The following IL17D variants were observed in gnomAD, a reference collection of about 807,000 sequenced individuals.
IL17D encodes interleukin 17D.
In IL17D, 10 loss-of-function variants were observed where a neutral mutation model predicts 5.7. The observed-to-expected ratio is 1.75, with a 90% CI of 1.08 to 2.97. IL17D has a LOEUF of 2.97. Among genes scored for constraint, IL17D ranks in the 30% most tolerant of loss-of-function variants. The pLI is 0.00. For missense variants in IL17D, 354 were observed against 292.7 expected (o/e 1.21, Z -1.53); for synonymous variants, 172 against 141.7 (o/e 1.21, Z -1.52).
intron 1 of IL17D, among the ~76,000 whole-genome samples, chr13:20,714,493 C>G (rs929090073): frequency 6.6e-5 from 10 of 152,248 alleles, no homozygotes; most frequent in African/African-American, 2.4e-4. Flanking sequence ...GCCTCAGTTT[C>G]CTCACGAGTG....
At chr13:20,721,526 G>A (rs2058734330) in intron 1 of IL17D, 110 bp from the exon 2 acceptor site, 2 of 822,714 alleles carry the variant, frequency 2.4e-6, no homozygotes, top group Admixed American at 3.4e-5. Context: ...GCCCGCAGGC[G>A]GAGGACAGGA....
At position 20,722,476 on chromosome 13, in the gene IL17D, T is replaced by C. The variant is rs1440519465; in HGVS notation, c.*522T>C. On this transcript the variant is annotated 3_prime_UTR_variant, in exon 2 of 2. Coordinates refer to ENST00000682841, the MANE Select transcript of IL17D (RefSeq NM_001385224.1). Reference sequence around the variant, plus strand: ...TACATTTCTTAACATATAAACATCGTTTTTTACTTCTTCTGGTAGAATTTT... The same window carrying C: ...TACATTTCTTAACATATAAACATCGCTTTTTACTTCTTCTGGTAGAATTTT... 1 of 152,320 alleles carries C rather than the reference T, an allele frequency of 6.6e-6. No individual in the cohort carries two copies. The highest frequency in any genetic ancestry group is 1.5e-5 in the Non-Finnish European group (1 of 68,140). 9.4% of individuals were successfully genotyped at this position (152,320 alleles called of 1,614,324 possible). A position where few individuals can be genotyped will look rare whatever the true frequency, so the allele number is the denominator to read the frequency against.
intron 1 of IL17D, among the ~76,000 whole-genome samples, chr13:20,717,538 A>G (rs1326320099): frequency 2.0e-5 from 3 of 152,164 alleles, no homozygotes; most frequent in Admixed American, 6.5e-5. Context: ...GGCTTCTCTC[A>G]TGACCTCTTT....
rs570391034 is a variant in IL17D at position 20,722,050 on chromosome 13, T to G, written c.*96T>G. The G allele has an allele frequency of 2.3e-3, 2,410 of 1,056,390 alleles. 6 individuals carry two copies. The highest frequency in any genetic ancestry group is 2.7e-3 in the Non-Finnish European group (2,015 of 758,730). 65.4% of individuals were successfully genotyped at this position (1,056,390 alleles called of 1,614,324 possible). On this transcript the variant is annotated 3_prime_UTR_variant, in exon 2 of 2. Transcript: ENST00000682841. ...CTCGGTCGGCGACCTCTGAAGAGAG[T>G]GCACCGAGCAAACCAAGTGCCGGAG... is the stretch of plus-strand genomic sequence containing the variant.
upstream of IL17D, chr13:20,703,321 G>A (rs1044415253): frequency 1.7e-5 from 17 of 986,390 alleles, no homozygotes; most frequent in Non-Finnish European, 2.0e-5. Context: ...GGGGGCACTG[G>A]TGAGTACACT....
At chr13:20,720,874 A>ACCCCCCCCCCCC (rs67735251) in intron 1 of IL17D, among the ~76,000 whole-genome samples, 90 of 75,706 alleles carry the variant, frequency 1.2e-3, no homozygotes, top group Admixed American at 1.4e-3. Flanking sequence ...CTCCCTCCCA[A>ACCCCCCCCCCCC]CCCCCCCCCC....
chr13:20,705,659 T>C (rs1687282211), intron 1 of IL17D, among the ~76,000 whole-genome samples: 1 of 152,136 alleles, frequency 6.6e-6, no homozygotes, highest in Non-Finnish European at 1.5e-5. Flanking sequence ...GTGGCGCCAC[T>C]GCCTTCCAAC....
chr13:20,704,266 C>T lies in IL17D; in HGVS notation c.265C>T (p.Arg89Cys). ...CCGCTTCCGGCCGCCCACCAACCTG[C>T]GCAGCGTGTCGCCCTGGGCCTACAG... ...DRRFRPPTNL[R>C]SVSPWAYRIS... is the part of the protein sequence containing the mutation. Residue 89 changes from arginine (R) to cysteine (C), a missense_variant, in exon 1 of 2, where the codon CGC becomes TGC. Coordinates refer to ENST00000682841, the MANE Select transcript of IL17D (RefSeq NM_001385224.1). 7.9e-7 allele frequency: 1 copy of T among 1,272,686 alleles called. No homozygotes were observed. Among genetic ancestry groups the T allele is most frequent in the Non-Finnish European group, 9.9e-7 (1 of 1,011,964 alleles). 78.8% of individuals were successfully genotyped at this position (1,272,686 alleles called of 1,614,324 possible).
At position 20,721,958 on chromosome 13, in the gene IL17D, C is replaced by G; in HGVS notation, c.*4C>G. ...CGACGCGCCCGCTGGCCCCTGAGGC[C>G]GGTCCTGCCCCGGGAGGTCTCCCCG... On this transcript the variant is annotated 3_prime_UTR_variant, in exon 2 of 2. Coordinates refer to ENST00000682841, the MANE Select transcript of IL17D (RefSeq NM_001385224.1). The G allele has an allele frequency of 1.3e-6, 2 of 1,579,846 alleles. No individual in the cohort carries two copies. The highest frequency in any genetic ancestry group is 1.7e-6 in the Non-Finnish European group (2 of 1,167,804).
intron 1 of IL17D, among the ~76,000 whole-genome samples, chr13:20,705,571 C>T (rs1275819886): frequency 6.6e-6 from 1 of 152,176 alleles, no homozygotes; most frequent in Non-Finnish European, 1.5e-5. Flanking sequence ...GTGGCACGTG[C>T]CTGTGGTCCC....
intron 1 of IL17D, among the ~76,000 whole-genome samples, chr13:20,715,130 G>C (rs751464653): frequency 6.6e-6 from 1 of 152,116 alleles, no homozygotes; most frequent in Non-Finnish European, 1.5e-5. Flanking sequence ...ACCTGTCTTC[G>C]TGACTCATTA....
Position 20,716,722 on chromosome 13 carries a change from A to G in IL17D, c.291-4914A>G, listed in dbSNP as rs564300645. ...ATCTGGCGAGCCACGCTACCGAGGC[A>G]GGCTGTCTCCACGGACACATTTCGG... On this transcript the variant is annotated intron_variant, in intron 1 of 1. Transcript: ENST00000682841. The surrounding 1 kb of genome is among the most constrained non-coding windows in gnomAD (Gnocchi z 4.2). Among the ~76,000 whole-genome samples the G allele has an allele frequency of 1.3e-5, 2 of 152,360 alleles. No homozygotes were observed. Among genetic ancestry groups the G allele is most frequent in the East Asian group, 3.9e-4 (2 of 5,190 alleles).
rs1270175359 is a variant in IL17D at position 20,723,034 on chromosome 13, G to C, written c.*1080G>C. 6.6e-6 allele frequency: 1 copy of C among 152,174 alleles called. No individual in the cohort carries two copies. The highest frequency in any genetic ancestry group is 2.4e-5 in the African/African-American group (1 of 41,432). 9.4% of individuals were successfully genotyped at this position (152,174 alleles called of 1,614,324 possible). A position where few individuals can be genotyped will look rare whatever the true frequency, so the allele number is the denominator to read the frequency against. On this transcript the variant is annotated 3_prime_UTR_variant, in exon 2 of 2. Coordinates refer to ENST00000682841, the MANE Select transcript of IL17D (RefSeq NM_001385224.1). ...TTCTTTAGATTGAAAGTCTGTCTCTGAACACAATTATTTGTAAAAGTTAGT... is the reference window on the plus strand; with the variant it reads ...TTCTTTAGATTGAAAGTCTGTCTCTCAACACAATTATTTGTAAAAGTTAGT...
intron 1 of IL17D, chr13:20,712,513 C>T (rs891311068): frequency 2.0e-5 from 3 of 152,342 alleles, no homozygotes; most frequent in African/African-American, 7.2e-5. Context: ...TCGCTTGAAC[C>T]CGGAAGGCGG....
Position 20,721,718 on chromosome 13 carries a change from G to A in IL17D, c.373G>A (p.Gly125Ser), listed in dbSNP as rs950492762. ...CCGGGGCTGCCTGACCGGGCTGTTCGGCGAGGAGGACGTGCGCTTCCGCAG... is the reference window on the plus strand; with the variant it reads ...CCGGGGCTGCCTGACCGGGCTGTTCAGCGAGGAGGACGTGCGCTTCCGCAG... ...LCRGCLTGLF[G>S]EEDVRFRSAP... The change falls in exon 2 of 2, where the codon GGC becomes AGC. Residue 125 changes from glycine (G) to serine (S), a missense_variant. By Grantham distance (56) the Gly-to-Ser change is moderately conservative. Coordinates refer to ENST00000682841, the MANE Select transcript of IL17D (RefSeq NM_001385224.1). 1 of 1,611,334 alleles carries A rather than the reference G, an allele frequency of 6.2e-7. No individual in the cohort carries two copies. Among genetic ancestry groups the A allele is most frequent in the Non-Finnish European group, 8.5e-7 (1 of 1,179,412 alleles).
chr13:20,708,073 C>A (rs1359935234), intron 1 of IL17D, among the ~76,000 whole-genome samples: 1 of 152,180 alleles, frequency 6.6e-6, no homozygotes, highest in South Asian at 2.1e-4. Context: ...CCACCACGCC[C>A]AGCTAATTTT....
At chr13:20,703,507 G>C (rs2058560649), upstream of IL17D, 1 of 855,796 alleles carries the variant, frequency 1.2e-6, no homozygotes, top group Non-Finnish European at 1.4e-6. Flanking sequence ...TGCGCGGGCT[G>C]GCTGGGGCGG....
In IL17D at chr13:20,721,709, G is replaced by A; in HGVS notation, c.364G>A (p.Gly122Arg). The change falls in exon 2 of 2, where the codon GGG becomes AGG. Residue 122 changes from glycine to arginine, a missense_variant. Gly to Arg is a moderately radical substitution (Grantham distance 125, BLOSUM62 -2). Transcript: ENST00000682841. Reference protein sequence around the residue: ...AYCLCRGCLTGLFGEEDVRFR... With the variant: ...AYCLCRGCLTRLFGEEDVRFR... ...CTGCCTGTGCCGGGGCTGCCTGACC[G>A]GGCTGTTCGGCGAGGAGGACGTGCG... The A allele has an allele frequency of 6.2e-7, 1 of 1,611,294 alleles. No individual in the cohort carries two copies. Among genetic ancestry groups the A allele is most frequent in the Non-Finnish European group, 8.5e-7 (1 of 1,179,246 alleles).
chr13:20,710,989 G>A (rs1285131756), intron 1 of IL17D, among the ~76,000 whole-genome samples: 1 of 152,148 alleles, frequency 6.6e-6, no homozygotes, highest in African/African-American at 2.4e-5. Context: ...AGTTGGCCAG[G>A]CGTGGTGGCT....
Sources: allele counts gnomAD v4.1 joint callset (sites outside exome capture counted in the v4.1 genomes callset), GRCh38; gene constraint gnomAD v4.1.1; non-coding constraint Gnocchi (gnomAD v3.1); transcripts MANE v1.5; gene names NCBI Gene and HGNC (gene_info 2026-07-23, HGNC 2026-07-21).